Variants in DSCAM observed in about 807,000 individuals in gnomAD.
The protein encoded by DSCAM is DS cell adhesion molecule.
A neutral mutation model predicts 217.7 loss-of-function variants in DSCAM; 47 were observed. That is an observed-to-expected ratio of 0.22 (90% confidence interval 0.17 to 0.28). The LOEUF is 0.28. Among genes scored for constraint, DSCAM ranks in the 10% least tolerant of loss-of-function variants. The pLI is 1.00. For missense variants in DSCAM, 2,080 were observed against 2,618.3 expected (o/e 0.79, Z 4.49); for synonymous variants, 1,056 against 1,015.3 (o/e 1.04, Z -0.76).
At chr21:40,788,256 C>A (rs1392128925) in intron 1 of DSCAM, among the ~76,000 whole-genome samples, 2 of 152,220 alleles carry the variant, frequency 1.3e-5, no homozygotes, top group African/African-American at 4.8e-5. Context: ...ATGAACAATT[C>A]ATCAGCACAC....
intron 20 of DSCAM, among the ~76,000 whole-genome samples, chr21:40,111,478 C>A (rs2089898437): frequency 6.6e-6 from 1 of 152,098 alleles, no homozygotes; most frequent in Non-Finnish European, 1.5e-5. Flanking sequence ...ATTGTAAAGA[C>A]TGTCGAGGCT....
At chr21:40,494,576 G>C (rs2076102310) in intron 3 of DSCAM, among the ~76,000 whole-genome samples, 1 of 151,970 alleles carries the variant, frequency 6.6e-6, no homozygotes, top group South Asian at 2.1e-4. Context: ...TGAAAACAGA[G>C]ACAGTGTGCC....
chr21:40,668,917 T>A (rs1463506522), intron 3 of DSCAM, among the ~76,000 whole-genome samples: 1 of 152,064 alleles, frequency 6.6e-6, no homozygotes, highest in African/African-American at 2.4e-5. Flanking sequence ...AAATTGGGGC[T>A]AAAATGAGGC....
chr21:40,411,408 C>CAA (rs2075322274), intron 3 of DSCAM, among the ~76,000 whole-genome samples: 1 of 152,028 alleles, frequency 6.6e-6, no homozygotes, highest in African/African-American at 2.4e-5. Context: ...AAACAAATAG[C>CAA]AAGACTGAAA....
chr21:40,050,238 G>T (rs186304017), intron 30 of DSCAM, among the ~76,000 whole-genome samples: 2 of 152,200 alleles, frequency 1.3e-5, no homozygotes, highest in Non-Finnish European at 2.9e-5. Flanking sequence ...GGTGGAGAAC[G>T]AGACCCAGGG....
At chr21:40,151,697 G>A (rs1426210507) in intron 16 of DSCAM, among the ~76,000 whole-genome samples, 3 of 152,202 alleles carry the variant, frequency 2.0e-5, no homozygotes, top group Non-Finnish European at 4.4e-5. Flanking sequence ...CAGACACATG[G>A]TTTAGCTGTT....
At chr21:40,768,242 C>T (rs775029060) in intron 1 of DSCAM, among the ~76,000 whole-genome samples, 39 of 152,124 alleles carry the variant, frequency 2.6e-4, no homozygotes, top group Non-Finnish European at 5.0e-4. Context: ...GCCTGAATTG[C>T]ACCCAGATGG....
chr21:40,440,032 T>C (rs2075617013), intron 3 of DSCAM, among the ~76,000 whole-genome samples: 1 of 146,344 alleles, frequency 6.8e-6, no homozygotes, highest in South Asian at 2.3e-4. Context: ...CAATTTACAG[T>C]ATTTACAAAA....
intron 11 of DSCAM, among the ~76,000 whole-genome samples, chr21:40,271,711 T>C (rs906757295): frequency 1.3e-5 from 2 of 152,212 alleles, no homozygotes; most frequent in Non-Finnish European, 2.9e-5. Flanking sequence ...CCTCATATTT[T>C]GCCCACAAGG....
chr21:40,518,551 CAT>C lies in DSCAM; in HGVS notation c.509-149308_509-149307del, dbSNP rs530999896. On this transcript the variant is annotated intron_variant, in intron 3 of 32. Coordinates refer to ENST00000400454, the MANE Select transcript of DSCAM (RefSeq NM_001389.5). ...TTTTATATATATATATGTACACACA[CAT>C]ATACACACACACATATATACATACA... 3.6e-3 allele frequency among the ~76,000 whole-genome samples: 260 copies of C among 72,864 alleles called. 5 individuals carry two copies. Among genetic ancestry groups the C allele is most frequent in the Non-Finnish European group, 4.9e-3 (216 of 43,676 alleles). 47.8% of individuals were successfully genotyped at this position (72,864 alleles called of 152,430 possible). A position where few individuals can be genotyped will look rare whatever the true frequency, so the allele number is the denominator to read the frequency against.
At chr21:40,292,156 A>G (rs2073900045) in intron 10 of DSCAM, among the ~76,000 whole-genome samples, 1 of 148,536 alleles carries the variant, frequency 6.7e-6, no homozygotes, top group South Asian at 2.2e-4. Context: ...GACTTTGTGT[A>G]TCTAGACCCA....
chr21:40,254,494 A>G (rs1311733641), intron 11 of DSCAM, among the ~76,000 whole-genome samples: 1 of 152,232 alleles, frequency 6.6e-6, no homozygotes, highest in Non-Finnish European at 1.5e-5. Context: ...AATGCATCTG[A>G]TGCTTATAGT....
At chr21:40,672,736 A>G (rs2090291696) in intron 3 of DSCAM, among the ~76,000 whole-genome samples, 1 of 152,130 alleles carries the variant, frequency 6.6e-6, no homozygotes, top group African/African-American at 2.4e-5. Flanking sequence ...ACACCTATTG[A>G]TGGTACCAAC....
At chr21:40,510,315 G>A (rs2076248388) in intron 3 of DSCAM, among the ~76,000 whole-genome samples, 1 of 152,168 alleles carries the variant, frequency 6.6e-6, no homozygotes, top group Admixed American at 6.5e-5. Flanking sequence ...GCATTTTTAT[G>A]AGGAATTTTC....
chr21:40,403,249 G>T (rs192714664), intron 3 of DSCAM, among the ~76,000 whole-genome samples: 493 of 151,608 alleles, frequency 3.3e-3, no homozygotes, highest in Non-Finnish European at 6.0e-3. Context: ...CTTTAATGGA[G>T]AATGTACATT....
intron 11 of DSCAM, among the ~76,000 whole-genome samples, chr21:40,266,635 T>TTTTATA (rs1233684162): frequency 9.7e-4 from 61 of 62,632 alleles, no homozygotes; most frequent in Admixed American, 1.2e-3. Context: ...CAAAGATGTT[T>TTTTATA]TATATATATA....
At chr21:40,827,910 T>G (rs1415411623) in intron 1 of DSCAM, among the ~76,000 whole-genome samples, 2 of 152,224 alleles carry the variant, frequency 1.3e-5, no homozygotes, top group Non-Finnish European at 2.9e-5. Context: ...GCACAGTTAG[T>G]TTGAGAAGCA....
At chr21:40,364,832 G>A (rs35461751) in intron 4 of DSCAM, among the ~76,000 whole-genome samples, 5 of 146,704 alleles carry the variant, frequency 3.4e-5, no homozygotes, top group Non-Finnish European at 7.5e-5. Context: ...TTAGAGCTTA[G>A]GATAAAAAGT....
chr21:40,087,392 G>C (rs776981073), intron 21 of DSCAM, 105 bp from the exon 22 acceptor site: 6 of 802,878 alleles, frequency 7.5e-6, no homozygotes, highest in Non-Finnish European at 8.6e-6. Flanking sequence ...TGGATGTGAA[G>C]CCAATTCACA....
Sources: gnomAD v4.1 joint callset for allele counts (sites outside exome capture counted in the v4.1 genomes callset) on GRCh38, gnomAD v4.1.1 for gene constraint, MANE v1.5 for transcripts, NCBI Gene and HGNC (gene_info 2026-07-23, HGNC 2026-07-21) for gene names.